Variants in TPD52L1 observed in about 807,000 individuals in gnomAD.
TPD52L1 encodes TPD52 like 1.
A neutral mutation model predicts 28.7 loss-of-function variants in TPD52L1; 18 were observed. The observed-to-expected ratio is 0.63, with a 90% CI of 0.43 to 0.93. The LOEUF (loss-of-function observed/expected upper bound fraction) is 0.93, where lower values mean the gene tolerates loss of function less well. TPD52L1 is among the 40% of genes least tolerant of loss of function. TPD52L1 has a pLI of 0.00. For missense variants in TPD52L1, 203 were observed against 254.8 expected (o/e 0.80, Z 1.39); for synonymous variants, 75 against 88.8 (o/e 0.84, Z 0.88).
intron 2 of TPD52L1, among the ~76,000 whole-genome samples, chr6:125,225,030 C>T (rs1795517568): frequency 1.3e-5 from 2 of 152,196 alleles, no homozygotes; most frequent in Non-Finnish European, 2.9e-5. Flanking sequence ...CCTCTGGCAG[C>T]CGCCAGTCTT....
intron 1 of TPD52L1, 76 bp from the exon 2 acceptor site, chr6:125,220,002 C>A: frequency 9.5e-7 from 1 of 1,047,386 alleles, no homozygotes; most frequent in Non-Finnish European, 1.5e-6. Context: ...GCATCTAGTC[C>A]TCCACACTAT....
chr6:125,215,649 A>T (rs1483166838), intron 1 of TPD52L1, among the ~76,000 whole-genome samples: 1 of 152,170 alleles, frequency 6.6e-6, no homozygotes, highest in Non-Finnish European at 1.5e-5. Context: ...GCTGAAGGCC[A>T]GTTCAGAGTT....
At chr6:125,160,995 G>A (rs548995883) in intron 1 of TPD52L1, among the ~76,000 whole-genome samples, 1 of 152,036 alleles carries the variant, frequency 6.6e-6, no homozygotes, top group African/African-American at 2.4e-5. Context: ...AGGGATTACA[G>A]GTGCGTGCCA....
rs376014659 is a variant in TPD52L1 at position 125,217,940 on chromosome 6, T to C, written c.20-2138T>C. ...TGATAGTTCATTCATTTTGCTATTG[T>C]CCAGTCTTTATCATGGAAATGCACC... is the stretch of plus-strand genomic sequence containing the variant. On this transcript the variant is annotated intron_variant, in intron 1 of 6. Transcript: ENST00000534000. 7.9e-5 allele frequency among the ~76,000 whole-genome samples: 12 copies of C among 152,334 alleles called. 1 individual carries two copies. The highest frequency in any genetic ancestry group is 7.8e-4 in the Admixed American group (12 of 15,304).
intron 1 of TPD52L1, among the ~76,000 whole-genome samples, chr6:125,158,335 A>C (rs956048558): frequency 2.6e-5 from 4 of 152,186 alleles, no homozygotes; most frequent in Non-Finnish European, 4.4e-5. Flanking sequence ...ACTGTTTGCA[A>C]AGTCCTTTAA....
intron 3 of TPD52L1, among the ~76,000 whole-genome samples, chr6:125,229,812 A>C (rs1795835671): frequency 6.6e-6 from 1 of 152,138 alleles, no homozygotes; most frequent in Non-Finnish European, 1.5e-5. Context: ...CTTGGTTTAG[A>C]TTACAGTTTT....
chr6:125,237,250 C>A (rs775223025), intron 3 of TPD52L1, among the ~76,000 whole-genome samples: 19 of 152,082 alleles, frequency 1.2e-4, no homozygotes, highest in Non-Finnish European at 2.6e-4. Flanking sequence ...GTCCCTCTGG[C>A]TGCGGTGTTG....
chr6:125,177,193 T>C lies in TPD52L1; in HGVS notation c.19+23223T>C, dbSNP rs189912422. ...TCAGACTTGATGGCTAGCTCATCAT[T>C]GGCCATTTTCTCAGATTTCTAATCT... is the stretch of plus-strand genomic sequence containing the variant. On this transcript the variant is annotated intron_variant, in intron 1 of 6. Transcript: ENST00000534000. 4.3e-3 allele frequency among the ~76,000 whole-genome samples: 662 copies of C among 152,318 alleles called. 3 individuals carry two copies. Among genetic ancestry groups the C allele is most frequent in the African/African-American group, 0.014 (598 of 41,560 alleles).
intron 1 of TPD52L1, among the ~76,000 whole-genome samples, chr6:125,213,686 T>C (rs940134135): frequency 2.0e-5 from 3 of 151,882 alleles, no homozygotes; most frequent in African/African-American, 7.3e-5. Context: ...GAAGAGTGAG[T>C]TGGAGAATTA....
chr6:125,256,345 CA>C (rs913294767), intron 5 of TPD52L1, among the ~76,000 whole-genome samples: 2 of 145,798 alleles, frequency 1.4e-5, no homozygotes, highest in African/African-American at 2.5e-5. Context: ...ACGAGACTAT[CA>C]AAAAAAAGAA....
rs370219185 is a variant in TPD52L1, at chr6:125,247,574, T to C, written c.285-708T>C. Among the ~76,000 whole-genome samples, 14 of 152,308 alleles carry C rather than the reference T, an allele frequency of 9.2e-5. No homozygotes were observed. The East Asian group carries it at 2.5e-3, about 27-fold the overall frequency. The stretch of plus-strand genomic sequence containing the variant: ...AGTCACAAAAGGTTGTCCCTTTTGA[T>C]ATCACCCACTCGTTCATCTACTATT... On this transcript the variant is annotated intron_variant, in intron 3 of 6. Transcript: ENST00000534000.
chr6:125,163,065 A>G (rs928645622), intron 1 of TPD52L1, among the ~76,000 whole-genome samples: 1 of 152,218 alleles, frequency 6.6e-6, no homozygotes, highest in African/African-American at 2.4e-5. Context: ...TGCAAAGGGG[A>G]AGCTAAGATG....
At chr6:125,246,774 C>G (rs1796945514) in intron 3 of TPD52L1, among the ~76,000 whole-genome samples, 1 of 151,902 alleles carries the variant, frequency 6.6e-6, no homozygotes, top group African/African-American at 2.4e-5. Context: ...TTGTTCTCCT[C>G]ACACAGTCCT....
intron 1 of TPD52L1, among the ~76,000 whole-genome samples, chr6:125,174,545 A>T (rs547626903): frequency 3.5e-4 from 54 of 152,354 alleles, no homozygotes; most frequent in African/African-American, 1.3e-3. Flanking sequence ...TGCTAATGAG[A>T]CAATAAATGT....
intron 1 of TPD52L1, among the ~76,000 whole-genome samples, chr6:125,181,902 T>G (rs988264634): frequency 1.3e-5 from 2 of 152,164 alleles, no homozygotes; most frequent in African/African-American, 4.8e-5. Flanking sequence ...TCAGGGATAT[T>G]AGGATAATTT....
At chr6:125,248,426 C>T (rs1797051795) in intron 4 of TPD52L1, 43 bp downstream of exon 4, 2 of 1,490,892 alleles carry the variant, frequency 1.3e-6, no homozygotes, top group East Asian at 2.3e-5. Flanking sequence ...AAGCCCTTGG[C>T]TTTCCGATTG....
chr6:125,195,439 C>T (rs1793361778), intron 1 of TPD52L1, among the ~76,000 whole-genome samples: 1 of 152,174 alleles, frequency 6.6e-6, no homozygotes, highest in Admixed American at 6.5e-5. Flanking sequence ...TTGTGGACCG[C>T]TAAGTCCTTT....
intron 1 of TPD52L1, among the ~76,000 whole-genome samples, chr6:125,174,230 G>C (rs1313754984): frequency 6.6e-6 from 1 of 152,092 alleles, no homozygotes; most frequent in Admixed American, 6.6e-5. Flanking sequence ...CCTGTGCTGG[G>C]CCCTAAAGTA....
intron 4 of TPD52L1, among the ~76,000 whole-genome samples, chr6:125,250,802 C>T (rs1446658885): frequency 2.6e-5 from 4 of 152,202 alleles, no homozygotes; most frequent in African/African-American, 4.8e-5. Context: ...GACTTCCAAA[C>T]TTTCCATTTG....
Sources: gnomAD v4.1 joint callset for allele counts (sites outside exome capture counted in the v4.1 genomes callset) on GRCh38, gnomAD v4.1.1 for gene constraint, MANE v1.5 for transcripts, NCBI Gene and HGNC (gene_info 2026-07-23, HGNC 2026-07-21) for gene names.